MYO1D: variants seen among roughly 807,000 people sequenced by gnomAD.
MYO1D encodes the protein unconventional myosin-Id.
A neutral mutation model predicts 122.0 loss-of-function variants in MYO1D; 83 were observed. That is an observed-to-expected ratio of 0.68 (90% CI 0.57 to 0.82). MYO1D has a LOEUF of 0.82. Ranked by LOEUF, MYO1D falls within the 40% of genes least tolerant of loss-of-function variation. MYO1D has a pLI of 0.00. For synonymous variants in MYO1D, 464 were observed against 446.9 expected, an observed-to-expected ratio of 1.04 and a Z score of -0.48; for missense variants, 1,157 against 1,269.5, an observed-to-expected ratio of 0.91 and a Z score of 1.35.
chr17:32,600,950 TC>T (rs1336463883), intron 21 of MYO1D, among the ~76,000 whole-genome samples: 1 of 150,346 alleles, frequency 6.7e-6, no homozygotes, highest in African/African-American at 2.4e-5. Context: ...CTTTTTCTTT[TC>T]CCTTTTTTTT....
intron 19 of MYO1D, among the ~76,000 whole-genome samples, chr17:32,649,513 C>T (rs186526331): frequency 9.2e-5 from 14 of 151,596 alleles, no homozygotes; most frequent in African/African-American, 3.1e-4. Flanking sequence ...TTGGTTGTAG[C>T]ATGTATTTAT....
Position 32,761,352 on chromosome 17 carries a change from A to G in MYO1D, c.1036-725T>C, listed in dbSNP as rs2089999970. Among the ~76,000 whole-genome samples, 4 of 152,166 alleles carry G rather than the reference A, an allele frequency of 2.6e-5. No homozygotes were observed. In the South Asian group the frequency reaches 8.3e-4, roughly 32 times the overall value. On this transcript the variant is annotated intron_variant, in intron 8 of 21. Coordinates refer to ENST00000318217, the MANE Select transcript of MYO1D (RefSeq NM_015194.3). ...TTACTCCATTGAAATGGCTCATCAAAGACTCCCAGCACCTCTACATAGATA... is the reference window on the plus strand; with the variant it reads ...TTACTCCATTGAAATGGCTCATCAAGGACTCCCAGCACCTCTACATAGATA...
chr17:32,500,030 C>T (rs60305951), intron 21 of MYO1D, among the ~76,000 whole-genome samples: 4,217 of 152,142 alleles, frequency 0.028, 182 homozygotes, highest in African/African-American at 0.097. Context: ...GCATTCACAC[C>T]ACATGTACTG....
At chr17:32,672,973 T>C (rs1174100225) in intron 16 of MYO1D, among the ~76,000 whole-genome samples, 2 of 151,958 alleles carry the variant, frequency 1.3e-5, no homozygotes, top group Admixed American at 6.6e-5. Flanking sequence ...TATATACATA[T>C]TGAAAACTTT....
chr17:32,567,279 T>A (rs995743324), intron 21 of MYO1D, among the ~76,000 whole-genome samples: 1 of 152,188 alleles, frequency 6.6e-6, no homozygotes, highest in Non-Finnish European at 1.5e-5. Context: ...ACTCAGCAAG[T>A]GACATGTGCT....
Position 32,659,414 on chromosome 17 carries a change from C to T in MYO1D, c.2122-76G>A, listed in dbSNP as rs76649008. 32 of 1,439,654 alleles carry T rather than the reference C, an allele frequency of 2.2e-5. No homozygotes were observed. In the African/African-American group the frequency reaches 3.9e-4, roughly 18 times the overall value. 89.2% of individuals were successfully genotyped at this position (1,439,654 alleles called of 1,614,324 possible). On this transcript the variant is annotated intron_variant, in intron 16 of 21. Transcript: ENST00000318217. Reference sequence around the variant, plus strand: ...GGATGGCTTTGATATTATAGCAGCTCCTCTACTTACAAACTCAACCAGGCA... The same window carrying T: ...GGATGGCTTTGATATTATAGCAGCTTCTCTACTTACAAACTCAACCAGGCA...
chr17:32,810,909 T>A (rs2090565839), intron 1 of MYO1D, among the ~76,000 whole-genome samples: 1 of 152,240 alleles, frequency 6.6e-6, no homozygotes, highest in African/African-American at 2.4e-5. Flanking sequence ...TTAAATTATC[T>A]GGCCTTTTAA....
intron 16 of MYO1D, among the ~76,000 whole-genome samples, chr17:32,691,032 T>C (rs1043581608): frequency 1.2e-4 from 18 of 151,966 alleles, no homozygotes; most frequent in Admixed American, 9.2e-4. Context: ...GAGGCTGAGG[T>C]AGGAGCATCA....
At chr17:32,787,722 T>C (rs551418190) in intron 1 of MYO1D, among the ~76,000 whole-genome samples, 9 of 152,172 alleles carry the variant, frequency 5.9e-5, no homozygotes, top group Non-Finnish European at 8.8e-5. Context: ...AGGCCTGGTA[T>C]GTGGTCTTTT....
Position 32,532,420 on chromosome 17 carries a change from G to A in MYO1D, c.2865-37505C>T, listed in dbSNP as rs922301451. On this transcript the variant is annotated intron_variant, in intron 21 of 21. Coordinates refer to ENST00000318217, the MANE Select transcript of MYO1D (RefSeq NM_015194.3). ...GGCCTTAAAAGAGGTGCCCTTAGTC[G>A]GGCGAATATTAAAAGTAGAAGAAGG... Among the ~76,000 whole-genome samples, 7 of 152,106 alleles carry A rather than the reference G, an allele frequency of 4.6e-5. No individual in the cohort carries two copies. In the South Asian group the frequency reaches 1.0e-3, roughly 23 times the overall value.
intron 16 of MYO1D, among the ~76,000 whole-genome samples, chr17:32,666,319 C>T (rs1366478021): frequency 2.6e-5 from 4 of 152,180 alleles, no homozygotes; most frequent in African/African-American, 7.2e-5. Context: ...CTGGGAGTAA[C>T]GACTCATTTA....
intron 10 of MYO1D, 104 bp from the exon 11 acceptor site, chr17:32,755,766 G>A (rs1310761162): frequency 3.3e-6 from 3 of 908,170 alleles, no homozygotes; most frequent in Admixed American, 2.8e-5. Context: ...AACTACTTTG[G>A]TGTCAAATGT....
chr17:32,831,078 G>C (rs1312714319), intron 1 of MYO1D, among the ~76,000 whole-genome samples: 1 of 151,972 alleles, frequency 6.6e-6, no homozygotes, highest in East Asian at 1.9e-4. Context: ...ATACTGACAT[G>C]AGTGCAAAAA....
intron 19 of MYO1D, among the ~76,000 whole-genome samples, chr17:32,652,592 A>G (rs2088407118): frequency 6.6e-6 from 1 of 152,078 alleles, no homozygotes; most frequent in Admixed American, 6.6e-5. Context: ...GATAATTTCA[A>G]TTCTTCTGTG....
At chr17:32,671,998 T>C (rs1011587976) in intron 16 of MYO1D, among the ~76,000 whole-genome samples, 3 of 152,246 alleles carry the variant, frequency 2.0e-5, no homozygotes, top group Non-Finnish European at 4.4e-5. Context: ...CCTTAAATTT[T>C]ACATTTGAGT....
chr17:32,564,126 C>T (rs1354868071), intron 21 of MYO1D, among the ~76,000 whole-genome samples: 1 of 152,234 alleles, frequency 6.6e-6, no homozygotes, highest in African/African-American at 2.4e-5. Context: ...CTTCCAAAGA[C>T]CCTTGTGGAG....
intron 16 of MYO1D, among the ~76,000 whole-genome samples, chr17:32,707,902 C>T (rs2089328328): frequency 6.6e-6 from 1 of 152,182 alleles, no homozygotes; most frequent in South Asian, 2.1e-4. Context: ...GTTGACACAG[C>T]TCATTGCTGG....
chr17:32,599,557 T>C (rs1196261067), intron 21 of MYO1D, among the ~76,000 whole-genome samples: 2 of 152,238 alleles, frequency 1.3e-5, no homozygotes, highest in Non-Finnish European at 2.9e-5. Context: ...GCATCTAGAA[T>C]GGTGAATCCT....
At chr17:32,701,532 G>C (rs1233084707) in intron 16 of MYO1D, among the ~76,000 whole-genome samples, 1 of 152,028 alleles carries the variant, frequency 6.6e-6, no homozygotes, top group Non-Finnish European at 1.5e-5. Context: ...ATCTATTCTT[G>C]ATTTTTAAGG....
Sources: allele counts gnomAD v4.1 joint callset (sites outside exome capture counted in the v4.1 genomes callset), GRCh38; gene constraint gnomAD v4.1.1; transcripts MANE v1.5; gene names NCBI Gene and HGNC (gene_info 2026-07-23, HGNC 2026-07-21).